Variants in SNIP1 observed in about 807,000 individuals in gnomAD.
SNIP1 encodes the protein Smad nuclear interacting protein 1.
In SNIP1, 23 loss-of-function variants were observed where a neutral mutation model predicts 37.4. That is an observed-to-expected ratio of 0.61 (90% confidence interval 0.44 to 0.87). The LOEUF (loss-of-function observed/expected upper bound fraction) is 0.87, where lower values mean the gene tolerates loss of function less well. SNIP1 is among the 40% of genes least tolerant of loss of function. SNIP1 has a pLI of 0.00. For missense variants in SNIP1, 459 were observed against 540.4 expected, an observed-to-expected ratio of 0.85 and a Z score of 1.49; for synonymous variants, 174 against 200.0, an observed-to-expected ratio of 0.87 and a Z score of 1.10.
At position 37,543,916 on chromosome 1, in the gene SNIP1, G is replaced by T. The variant is rs115896843; in HGVS notation, c.328-3161C>A. 5.8e-3 allele frequency among the ~76,000 whole-genome samples: 879 copies of T among 152,038 alleles called. 9 individuals carry two copies. The highest frequency in any genetic ancestry group is 0.021 in the African/African-American group (852 of 41,438). ...AGCACTTTGGGAGGGCAAGGGGGGG[G>T]GCAGGTCACTTGAGGTCGGTCAGGA... On this transcript the variant is annotated intron_variant, in intron 2 of 3. Coordinates refer to ENST00000296215, the MANE Select transcript of SNIP1 (RefSeq NM_024700.4).
chr1:37,548,052 T>C (rs2148116178), intron 2 of SNIP1, among the ~76,000 whole-genome samples: 1 of 146,648 alleles, frequency 6.8e-6, no homozygotes, highest in African/African-American at 2.5e-5. Flanking sequence ...CTCAGGAGGC[T>C]GAGGCAGGAG....
At chr1:37,552,884 G>A (rs1057184759) in intron 1 of SNIP1, 137 bp from the exon 2 acceptor site, 15 of 708,804 alleles carry the variant, frequency 2.1e-5, no homozygotes, top group Non-Finnish European at 3.3e-5. Flanking sequence ...AAGGAGTCAC[G>A]AGGTTCACTT....
chr1:37,545,882 T>C (rs1643230383), intron 2 of SNIP1, among the ~76,000 whole-genome samples: 1 of 152,062 alleles, frequency 6.6e-6, no homozygotes, highest in Non-Finnish European at 1.5e-5. Flanking sequence ...ATCAAAAAAC[T>C]GAAAATAACA....
intron 2 of SNIP1, among the ~76,000 whole-genome samples, chr1:37,551,660 G>A (rs747734750): frequency 9.9e-5 from 15 of 152,132 alleles, no homozygotes; most frequent in Admixed American, 7.2e-4. Context: ...AAGGACAGAG[G>A]ATTTTTTTTC....
At chr1:37,539,299 C>T (rs1643139086) in intron 3 of SNIP1, among the ~76,000 whole-genome samples, 1 of 152,196 alleles carries the variant, frequency 6.6e-6, no homozygotes, top group African/African-American at 2.4e-5. Flanking sequence ...GACCACTGTA[C>T]TATAGTGATC....
chr1:37,539,257 T>C (rs1415336606), intron 3 of SNIP1, among the ~76,000 whole-genome samples: 1 of 152,348 alleles, frequency 6.6e-6, no homozygotes, highest in East Asian at 1.9e-4. Context: ...CTGTCTTCCA[T>C]GAAACTGGTC....
At position 37,540,875 on chromosome 1, in the gene SNIP1, G is replaced by T; in HGVS notation, c.328-120C>A. The T allele has an allele frequency of 1.1e-6, 1 of 904,978 alleles. No individual in the cohort carries two copies. Among genetic ancestry groups the T allele is most frequent in the Non-Finnish European group, 1.7e-6 (1 of 604,684 alleles). The allele number at this position is 904,978 out of a possible 1,614,324, so 56.1% of individuals were successfully genotyped here. A position where few individuals can be genotyped will look rare whatever the true frequency, so the allele number is the denominator to read the frequency against. ...CTTGTAATTTGGACTTTGGCATTTAGAACAACATTTCCCACAGAAATAAGA... is the reference window on the plus strand; with the variant it reads ...CTTGTAATTTGGACTTTGGCATTTATAACAACATTTCCCACAGAAATAAGA... On this transcript the variant is annotated intron_variant, in intron 2 of 3. Coordinates refer to ENST00000296215, the MANE Select transcript of SNIP1 (RefSeq NM_024700.4). The surrounding 1 kb of genome is among the most constrained non-coding windows in gnomAD (Gnocchi z 5.6).
intron 3 of SNIP1, among the ~76,000 whole-genome samples, chr1:37,539,000 C>T (rs1643134277): frequency 6.6e-6 from 1 of 152,138 alleles, no homozygotes; most frequent in Admixed American, 6.5e-5. Flanking sequence ...GAACTGTGCA[C>T]AGGTGGGATC....
At position 37,540,529 on chromosome 1, in the gene SNIP1, C is replaced by T; in HGVS notation, c.554G>A (p.Arg185Lys). 2 of 1,614,174 alleles carry T rather than the reference C, an allele frequency of 1.2e-6. No homozygotes were observed. Among genetic ancestry groups the T allele is most frequent in the Non-Finnish European group, 1.7e-6 (2 of 1,180,034 alleles). Residue 185 changes from arginine (R) to lysine (K), a missense_variant, in exon 3 of 4, where the codon AGG becomes AAG. Transcript: ENST00000296215. The surrounding 1 kb of genome is among the most constrained non-coding windows in gnomAD (Gnocchi z 5.6). ...ATTCCTCTGGCGATGCTCCCGTCGC[C>T]TGGCATTATAAAACTCCCGCTCTTC... ...QEEEREFYNA[R>K]RREHRQRNDV... is the part of the protein sequence containing the mutation.
chr1:37,541,141 A>G (rs1029423124), intron 2 of SNIP1: 3 of 163,662 alleles, frequency 1.8e-5, no homozygotes, highest in Non-Finnish European at 3.9e-5. Context: ...GGTACAAGAT[A>G]TGTAAAGAAA....
chr1:37,536,584 A>G lies in SNIP1; in HGVS notation c.*1164T>C, dbSNP rs1570014809. The G allele has an allele frequency of 9.8e-5, 15 of 152,536 alleles. No homozygotes were observed. In the South Asian group the frequency reaches 3.1e-3, roughly 32 times the overall value. The allele number at this position is 152,536 out of a possible 1,614,324, so 9.4% of individuals were successfully genotyped here. A position where few individuals can be genotyped will look rare whatever the true frequency, so the allele number is the denominator to read the frequency against. ...TTTTTTATCCCAAAAATACATATAA[A>G]TGAAAACCTGCTCTTCAAATGCAGG... On this transcript the variant is annotated 3_prime_UTR_variant, in exon 4 of 4. Transcript: ENST00000296215.
Position 37,553,901 on chromosome 1 carries a change from C to G in SNIP1, c.224+105G>C. ...CTCAACAGCCCCTCAGGATTAAGTC[C>G]GGGCTGCTGCGCCCACCATTCAAAA... is the stretch of plus-strand genomic sequence containing the variant. On this transcript the variant is annotated intron_variant, in intron 1 of 3. Transcript: ENST00000296215. 6 of 1,178,054 alleles carry G rather than the reference C, an allele frequency of 5.1e-6. No homozygotes were observed. In the South Asian group the frequency reaches 8.4e-5, roughly 16 times the overall value. The allele number at this position is 1,178,054 out of a possible 1,614,324, so 73.0% of individuals were successfully genotyped here.
rs757327037 is a variant in SNIP1 at position 37,554,050 on chromosome 1, C to A, written c.180G>T (p.Pro60=). The A allele has an allele frequency of 1.3e-5, 21 of 1,588,860 alleles. No homozygotes were observed. Among genetic ancestry groups the A allele is most frequent in the Non-Finnish European group, 1.6e-5 (19 of 1,168,668 alleles). The change falls in exon 1 of 4, where the codon CCG becomes CCT. Residue 60 remains proline, a synonymous_variant. Coordinates refer to ENST00000296215, the MANE Select transcript of SNIP1 (RefSeq NM_024700.4). Reference sequence around the variant, plus strand: ...GGTTCCCGCGGTGGCCCGAGCGGGCCGGCTCGCTGGTCGGCGGAGACGGGC... The same window carrying A: ...GGTTCCCGCGGTGGCCCGAGCGGGCAGGCTCGCTGGTCGGCGGAGACGGGC... ...GGSPSPPTSE[P]ARSGHRGNRA...
At position 37,546,155 on chromosome 1, in the gene SNIP1, C is replaced by G. The variant is rs866623449; in HGVS notation, c.328-5400G>C. ...AGCACTGGGACTAAGACCCCCCCCC[C>G]CCCCGCTCCCTGCCATACACAGGGC... On this transcript the variant is annotated intron_variant, in intron 2 of 3. Coordinates refer to ENST00000296215, the MANE Select transcript of SNIP1 (RefSeq NM_024700.4). Among the ~76,000 whole-genome samples the G allele has an allele frequency of 1.8e-3, 265 of 150,574 alleles. 6 individuals are homozygous for G. The South Asian group carries it at 0.024, about 14-fold the overall frequency.
At chr1:37,546,421 T>G (rs1051459070) in intron 2 of SNIP1, among the ~76,000 whole-genome samples, 5 of 152,146 alleles carry the variant, frequency 3.3e-5, no homozygotes, top group Non-Finnish European at 7.3e-5. Flanking sequence ...TGTCTGTAAT[T>G]CTAGCACTTT....
At chr1:37,552,525 G>A (rs1202575947) in intron 2 of SNIP1, 120 bp downstream of exon 2, 15 of 778,390 alleles carry the variant, frequency 1.9e-5, no homozygotes, top group Non-Finnish European at 2.2e-6. Context: ...TACAAGTAGA[G>A]ATGTAGGCGA....
chr1:37,544,433 T>A (rs2148114521), intron 2 of SNIP1, among the ~76,000 whole-genome samples: 1 of 122,012 alleles, frequency 8.2e-6, no homozygotes, highest in South Asian at 2.4e-4. Flanking sequence ...GTGGACAGAA[T>A]GAGACTCTGT....
chr1:37,550,878 G>A (rs548854156), intron 2 of SNIP1, among the ~76,000 whole-genome samples: 5 of 152,052 alleles, frequency 3.3e-5, no homozygotes, highest in South Asian at 2.1e-4. Context: ...GGCAGATCAC[G>A]AGGTCAGAAG....
In SNIP1 at chr1:37,537,272, G is replaced by T; in HGVS notation, c.*476C>A. On this transcript the variant is annotated 3_prime_UTR_variant, in exon 4 of 4. Coordinates refer to ENST00000296215, the MANE Select transcript of SNIP1 (RefSeq NM_024700.4). ...GTCAAAGCTTTGGTATATACTGGAG[G>T]TTGTTTTGGTGATAACCAAAGCCTA... 6.4e-6 allele frequency: 1 copy of T among 155,790 alleles called. No individual in the cohort carries two copies. 9.7% of individuals were successfully genotyped at this position (155,790 alleles called of 1,614,324 possible).
Sources: gnomAD v4.1 joint callset for allele counts (sites outside exome capture counted in the v4.1 genomes callset) on GRCh38, gnomAD v4.1.1 for gene constraint, Gnocchi (gnomAD v3.1) non-coding constraint, MANE v1.5 for transcripts, NCBI Gene and HGNC (gene_info 2026-07-23, HGNC 2026-07-21) for gene names.